Variants in CCDC144A observed in about 807,000 individuals in gnomAD.
CCDC144A encodes coiled-coil domain-containing protein 144A.
A neutral mutation model predicts 143.8 loss-of-function variants in CCDC144A; 41 were observed. The ratio of observed to expected loss-of-function variants is 0.29; its 90% CI spans 0.22 to 0.37. The LOEUF (loss-of-function observed/expected upper bound fraction) is 0.37, where lower values mean the gene tolerates loss of function less well. Among genes scored for constraint, CCDC144A ranks in the 10% least tolerant of loss-of-function variants. The pLI is 1.00. For synonymous variants in CCDC144A, 242 were observed against 517.9 expected (o/e 0.47, Z 7.23); for missense variants, 637 against 1,488.8 (o/e 0.43, Z 9.41).
chr17:16,743,091 G>A (rs1914334118), intron 12 of CCDC144A, among the ~76,000 whole-genome samples: 1 of 152,106 alleles, frequency 6.6e-6, no homozygotes, highest in Non-Finnish European at 1.5e-5. Flanking sequence ...CTTTACTTGT[G>A]TATTTTTGTT....
intron 12 of CCDC144A, among the ~76,000 whole-genome samples, chr17:16,751,507 C>T (rs1914790348): frequency 6.6e-6 from 1 of 152,134 alleles, no homozygotes; most frequent in East Asian, 1.9e-4. Flanking sequence ...ATTGTGAAGG[C>T]GAGAGATAAC....
At chr17:16,713,043 C>T (rs1912541763) in intron 6 of CCDC144A, among the ~76,000 whole-genome samples, 1 of 151,390 alleles carries the variant, frequency 6.6e-6, no homozygotes, top group African/African-American at 2.4e-5. Context: ...CAAGGGATTG[C>T]ACATGGGGAT....
intron 11 of CCDC144A, among the ~76,000 whole-genome samples, chr17:16,733,230 G>GT (rs911219154): frequency 3.2e-4 from 48 of 148,684 alleles, no homozygotes; most frequent in Non-Finnish European, 4.8e-4. Flanking sequence ...ATTGGTAAGT[G>GT]TTTTTTCTTA....
intron 12 of CCDC144A, among the ~76,000 whole-genome samples, chr17:16,742,681 CT>C (rs1177207502): frequency 2.0e-5 from 3 of 152,122 alleles, no homozygotes; most frequent in Admixed American, 1.3e-4. Flanking sequence ...TAAGAGTTTT[CT>C]TTTTCTCTCC....
In CCDC144A at chr17:16,709,274, A is replaced by G. The variant is rs1367802944; in HGVS notation, c.1217A>G (p.Asp406Gly). Residue 406 changes from aspartate to glycine, a missense_variant, in exon 5 of 17, where the codon GAT becomes GGT. Physicochemically the swap from Asp to Gly is moderately conservative, Grantham distance 94. Transcript: ENST00000399273. ...LHENKLDCDN[D>G]NKPGIGHIFS... ...GAAAATAAATTAGACTGCGACAATG[A>G]TAACAAACCAGGCATTGGACATATT... 2.7e-5 allele frequency: 43 copies of G among 1,611,750 alleles called. 1 individual carries two copies. Among genetic ancestry groups the G allele is most frequent in the East Asian group, 2.2e-4 (10 of 44,866 alleles).
At chr17:16,699,991 A>G (rs1394660901) in intron 2 of CCDC144A, among the ~76,000 whole-genome samples, 5 of 152,204 alleles carry the variant, frequency 3.3e-5, no homozygotes, top group South Asian at 2.1e-4. Context: ...CATGTAACAC[A>G]TCAACTTAAA....
At chr17:16,704,998 A>T (rs559881410) in intron 2 of CCDC144A, among the ~76,000 whole-genome samples, 153 bp from the exon 3 acceptor site, 1 of 152,244 alleles carries the variant, frequency 6.6e-6, no homozygotes, top group Admixed American at 6.5e-5. Flanking sequence ...TAAGCATAGG[A>T]CATGTAAAAT....
chr17:16,683,561 G>A, the CCDC144A span: 89 of 1,599,696 alleles, frequency 5.6e-5, 3 homozygotes, highest in South Asian at 9.2e-4. Flanking sequence ...TTCTGACCGG[G>A]AATGAGTGCA....
Position 16,691,211 on chromosome 17 carries a change from T to A in CCDC144A, c.344+467T>A, listed in dbSNP as rs532357031. Among the ~76,000 whole-genome samples, 29 of 152,280 alleles carry A rather than the reference T, an allele frequency of 1.9e-4. 1 individual carries two copies. The highest frequency in any genetic ancestry group is 1.6e-3 in the Admixed American group (25 of 15,300). On this transcript the variant is annotated intron_variant, in intron 1 of 16. Transcript: ENST00000399273. ...GCTTTTGTCTCAGCCTAGACTTAGC[T>A]AAGACCTTCATGATAAATTATCCTT...
chr17:16,738,572 C>T (rs540006251), intron 12 of CCDC144A, among the ~76,000 whole-genome samples: 45 of 151,974 alleles, frequency 3.0e-4, no homozygotes, highest in African/African-American at 1.1e-3. Context: ...GCTTCTTCTA[C>T]TTAGCATAAC....
At position 16,690,516 on chromosome 17, in the gene CCDC144A, G is replaced by A. The variant is rs747229684; in HGVS notation, c.116G>A (p.Gly39Asp). The A allele has an allele frequency of 1.9e-6, 3 of 1,611,126 alleles. No individual in the cohort carries two copies. Among genetic ancestry groups the A allele is most frequent in the Admixed American group, 1.7e-5 (1 of 59,988 alleles). ...AGCCAGGGGGACCAGTGGTACTTGGGCTACCCGGGGGACCAGTGGTCCTCG... is the reference window on the plus strand; with the variant it reads ...AGCCAGGGGGACCAGTGGTACTTGGACTACCCGGGGGACCAGTGGTCCTCG... ...VGSQGDQWYL[G>D]YPGDQWSSGF... The change falls in exon 1 of 17, where the codon GGC (glycine) becomes GAC (aspartate). Residue 39 changes from glycine to aspartate, a missense_variant. Transcript: ENST00000399273.
upstream of CCDC144A, among the ~76,000 whole-genome samples, chr17:16,684,853 T>C (rs1910724308): frequency 6.6e-6 from 1 of 151,890 alleles, no homozygotes; most frequent in Non-Finnish European, 1.5e-5. Context: ...GTCTAGTTAC[T>C]CAGGACGCTG....
At chr17:16,683,359 T>A in the CCDC144A span, 1 of 619,382 alleles carries the variant, frequency 1.6e-6, no homozygotes, top group East Asian at 2.8e-5. Context: ...GGAAAACTTG[T>A]CACAGTTTAG....
intron 2 of CCDC144A, among the ~76,000 whole-genome samples, chr17:16,698,638 T>C (rs1438290180): frequency 6.6e-6 from 1 of 152,190 alleles, no homozygotes. Context: ...TGGAAATGCT[T>C]GTTTGGTACT....
chr17:16,767,604 C>G (rs1358487244), intron 15 of CCDC144A, among the ~76,000 whole-genome samples: 2 of 152,124 alleles, frequency 1.3e-5, no homozygotes, highest in Non-Finnish European at 2.9e-5. Context: ...TTTTCAAAAG[C>G]AAAATGTTAA....
chr17:16,723,912 C>G (rs1435266430), intron 8 of CCDC144A, among the ~76,000 whole-genome samples: 2 of 152,170 alleles, frequency 1.3e-5, no homozygotes, highest in East Asian at 3.9e-4. Context: ...AGTTTCTTCT[C>G]TTTTTTTAGT....
chr17:16,712,123 T>A (rs572765218), intron 6 of CCDC144A: 116 of 236,350 alleles, frequency 4.9e-4, no homozygotes, highest in African/African-American at 2.6e-3. Flanking sequence ...AGAGTAAAAC[T>A]CCATTTCAAA....
At chr17:16,694,083 GGAGGAA>G (rs1263069865) in intron 2 of CCDC144A, among the ~76,000 whole-genome samples, 2 of 149,292 alleles carry the variant, frequency 1.3e-5, no homozygotes, top group Admixed American at 1.3e-4. Flanking sequence ...CTAAGGAGAA[GGAGGAA>G]GAGGAAGATT....
At chr17:16,765,662 A>G (rs1395264509) in intron 15 of CCDC144A, 2 of 149,908 alleles carry the variant, frequency 1.3e-5, no homozygotes, top group Non-Finnish European at 3.0e-5. Context: ...GGTTTCTTAG[A>G]TAGCATTGTG....
Sources: gnomAD v4.1 joint callset for allele counts (sites outside exome capture counted in the v4.1 genomes callset) on GRCh38, gnomAD v4.1.1 for gene constraint, MANE v1.5 for transcripts, NCBI Gene and HGNC (gene_info 2026-07-23, HGNC 2026-07-21) for gene names.